PM20D2: variants seen among roughly 807,000 people sequenced by gnomAD.
The protein encoded by PM20D2 is peptidase M20 domain containing 2.
A neutral mutation model predicts 42.9 loss-of-function variants in PM20D2; 33 were observed. The ratio of observed to expected loss-of-function variants is 0.77; its 90% CI spans 0.58 to 1.03. The LOEUF (loss-of-function observed/expected upper bound fraction) is 1.03. Ranked by LOEUF, PM20D2 falls within the 50% of genes least tolerant of loss-of-function variation. The probability of loss-of-function intolerance (pLI) is 0.00; values close to 1 mark genes in which losing one functional copy is unlikely to be tolerated. For synonymous variants in PM20D2, 250 were observed against 228.2 expected, an observed-to-expected ratio of 1.10 and a Z score of -0.86; for missense variants, 548 against 557.0, an observed-to-expected ratio of 0.98 and a Z score of 0.16.
the PM20D2 span, among the ~76,000 whole-genome samples, chr6:89,119,542 G>C: frequency 6.6e-6 from 1 of 152,186 alleles, no homozygotes; most frequent in Non-Finnish European, 1.5e-5. Context: ...AGCTTAGAAT[G>C]CTTACCATGT....
At chr6:89,121,361 G>C in the PM20D2 span, among the ~76,000 whole-genome samples, 2 of 152,008 alleles carry the variant, frequency 1.3e-5, no homozygotes, top group East Asian at 1.9e-4. Flanking sequence ...GAACATCGTC[G>C]GGCACGGCCA....
chr6:89,129,588 ATTTTT>A, the PM20D2 span, among the ~76,000 whole-genome samples: 2 of 106,696 alleles, frequency 1.9e-5, no homozygotes, highest in Non-Finnish European at 3.8e-5. Context: ...TCTGTTTCTA[ATTTTT>A]TTTTTTTTTT....
chr6:89,101,109 CAAA>C, the PM20D2 span, among the ~76,000 whole-genome samples: 153 of 54,624 alleles, frequency 2.8e-3, no homozygotes, highest in African/African-American at 7.1e-3. Flanking sequence ...ACCTCCAAGA[CAAA>C]AAAAAAAAAA....
the PM20D2 span, among the ~76,000 whole-genome samples, chr6:89,108,700 G>A: frequency 2.0e-5 from 3 of 152,180 alleles, no homozygotes; most frequent in African/African-American, 7.2e-5. Context: ...GGCAAAAGAA[G>A]CAACTTTCAG....
chr6:89,149,700 T>C (rs891171185), intron 2 of PM20D2, among the ~76,000 whole-genome samples: 2 of 152,234 alleles, frequency 1.3e-5, no homozygotes, highest in Admixed American at 6.5e-5. Flanking sequence ...ATCTGGTGTC[T>C]GGAAAACATC....
At position 89,149,504 on chromosome 6, in the gene PM20D2, G is replaced by C. The variant is rs1404698319; in HGVS notation, c.614+91G>C. On this transcript the variant is annotated intron_variant, in intron 2 of 6. Transcript: ENST00000275072. ...AACCAGAGACGAAAACTCCACATTT[G>C]TATATTTAAGAAGTAAATTGAAAGA... 6.4e-6 allele frequency: 9 copies of C among 1,413,050 alleles called. No individual in the cohort carries two copies. The Admixed American group carries it at 6.8e-5, about 11-fold the overall frequency. 87.5% of individuals were successfully genotyped at this position (1,413,050 alleles called of 1,614,324 possible).
the PM20D2 span, among the ~76,000 whole-genome samples, chr6:89,111,789 TAAG>T: frequency 6.6e-6 from 1 of 152,192 alleles, no homozygotes; most frequent in African/African-American, 2.4e-5. Flanking sequence ...TTTATTAGGT[TAAG>T]AAGTTCTCTT....
At chr6:89,121,958 T>G in the PM20D2 span, among the ~76,000 whole-genome samples, 2 of 152,230 alleles carry the variant, frequency 1.3e-5, no homozygotes, top group Non-Finnish European at 2.9e-5. Context: ...TTTAAACTTT[T>G]TCATTGGAAT....
At chr6:89,144,287 T>G (rs966365781), upstream of PM20D2, among the ~76,000 whole-genome samples, 3 of 151,832 alleles carry the variant, frequency 2.0e-5, no homozygotes, top group African/African-American at 7.3e-5. Context: ...CTATATGAAA[T>G]TATATGCATC....
At chr6:89,157,105 G>GT (rs1042491674) in intron 4 of PM20D2, among the ~76,000 whole-genome samples, 1 of 151,904 alleles carries the variant, frequency 6.6e-6, no homozygotes, top group African/African-American at 2.4e-5. Context: ...TATTTTTAAA[G>GT]TTTTTTGTAG....
At chr6:89,141,512 C>A (rs542370532), upstream of PM20D2, among the ~76,000 whole-genome samples, 1 of 152,098 alleles carries the variant, frequency 6.6e-6, no homozygotes, top group East Asian at 1.9e-4. Context: ...ATTACAGGCG[C>A]CCGCCCCAAC....
At position 89,154,817 on chromosome 6, in the gene PM20D2, G is replaced by T. The variant is rs765820610; in HGVS notation, c.827G>T (p.Arg276Leu). Residue 276 changes from arginine (R) to leucine (L), a missense_variant, in exon 4 of 7, where the codon CGT (arginine) becomes CTT (leucine). By Grantham distance (102) the Arg-to-Leu change is moderately radical. Transcript: ENST00000275072. ...TATTCTGAATTAATCTATTACTTCC[G>T]TGCACCCTCAATGAAAGAACTTCAA... is the stretch of plus-strand genomic sequence containing the variant. ...PSYSELIYYF[R>L]APSMKELQVL... 3.1e-6 allele frequency: 5 copies of T among 1,607,950 alleles called. No individual in the cohort carries two copies. The Admixed American group carries it at 6.8e-5, about 22-fold the overall frequency.
chr6:89,118,923 AGTTAGACTC>A, the PM20D2 span, among the ~76,000 whole-genome samples: 4 of 152,228 alleles, frequency 2.6e-5, no homozygotes, highest in Non-Finnish European at 5.9e-5. Context: ...ATCCCCTTCT[AGTTAGACTC>A]GTCTTCGCCT....
At chr6:89,146,810 C>A (rs1475965596) in intron 1 of PM20D2, among the ~76,000 whole-genome samples, 1 of 152,230 alleles carries the variant, frequency 6.6e-6, no homozygotes, top group Non-Finnish European at 1.5e-5. Flanking sequence ...TTCGCGTTGC[C>A]GACCTGGCGA....
At chr6:89,137,044 A>G in the PM20D2 span, among the ~76,000 whole-genome samples, 3 of 151,266 alleles carry the variant, frequency 2.0e-5, no homozygotes, top group Non-Finnish European at 4.4e-5. Flanking sequence ...GTGATTCTCT[A>G]TAAAGTGTTA....
chr6:89,131,415 C>T, the PM20D2 span, among the ~76,000 whole-genome samples: 5 of 149,684 alleles, frequency 3.3e-5, no homozygotes, highest in Admixed American at 6.7e-5. Context: ...TGGCTGAGTA[C>T]GGTGGCTCAC....
intron 1 of PM20D2, among the ~76,000 whole-genome samples, chr6:89,147,006 T>C (rs910181375): frequency 6.6e-6 from 1 of 152,204 alleles, no homozygotes; most frequent in Non-Finnish European, 1.5e-5. Context: ...TTCTTGTAGG[T>C]AATCCTACGG....
the PM20D2 span, among the ~76,000 whole-genome samples, chr6:89,116,299 T>C: frequency 6.6e-6 from 1 of 152,238 alleles, no homozygotes; most frequent in African/African-American, 2.4e-5. Context: ...CATTTTCAAG[T>C]TGTCTGTTCA....
chr6:89,151,012 G>A (rs1285388639), intron 2 of PM20D2, among the ~76,000 whole-genome samples: 1 of 151,574 alleles, frequency 6.6e-6, no homozygotes, highest in Non-Finnish European at 1.5e-5. Flanking sequence ...AAATTAGCCA[G>A]GCATGGTGGG....
Sources: allele counts gnomAD v4.1 joint callset (sites outside exome capture counted in the v4.1 genomes callset), GRCh38; gene constraint gnomAD v4.1.1; transcripts MANE v1.5; gene names NCBI Gene and HGNC (gene_info 2026-07-23, HGNC 2026-07-21).